Variants in ANKH observed in about 807,000 individuals in gnomAD.
ANKH encodes the protein mineralization regulator ANKH.
In ANKH, 15 loss-of-function variants were observed where a neutral mutation model predicts 49.0. The observed-to-expected ratio is 0.31, with a 90% CI of 0.20 to 0.47. ANKH has a LOEUF of 0.47. ANKH is among the 20% of genes least tolerant of loss of function. The pLI, the probability that ANKH is intolerant of heterozygous loss-of-function variation, is 1.00. For synonymous variants in ANKH, 273 were observed against 260.0 expected, an observed-to-expected ratio of 1.05 and a Z score of -0.48; for missense variants, 429 against 652.0, an observed-to-expected ratio of 0.66 and a Z score of 3.72.
In ANKH at chr5:14,710,137, C is replaced by A. The variant is rs1579993689; in HGVS notation, c.*1060G>T. ...TATCGTATGGTGTGGGAGGGAAGTA[C>A]CGTAGTACATTCTCAATTACCTGTA... On this transcript the variant is annotated 3_prime_UTR_variant, in exon 12 of 12. Transcript: ENST00000284268. The A allele has an allele frequency of 1.3e-5, 2 of 152,268 alleles. No individual in the cohort carries two copies. Among genetic ancestry groups the A allele is most frequent in the South Asian group, 2.1e-4 (1 of 4,826 alleles). The allele number at this position is 152,268 out of a possible 1,614,324, so 9.4% of individuals were successfully genotyped here.
At chr5:14,783,328 AC>A (rs1580064535) in intron 1 of ANKH, among the ~76,000 whole-genome samples, 1 of 143,916 alleles carries the variant, frequency 6.9e-6, no homozygotes, top group Admixed American at 7.0e-5. Context: ...ACACACACAC[AC>A]ACCACACATG....
In ANKH at chr5:14,708,779, C is replaced by CT; in HGVS notation, c.*2417dup. 6.6e-6 allele frequency: 1 copy of CT among 152,316 alleles called. No individual in the cohort carries two copies. The highest frequency in any genetic ancestry group is 1.9e-4 in the East Asian group (1 of 5,192). The allele number at this position is 152,316 out of a possible 1,614,324, so 9.4% of individuals were successfully genotyped here. A position where few individuals can be genotyped will look rare whatever the true frequency, so the allele number is the denominator to read the frequency against. On this transcript the variant is annotated 3_prime_UTR_variant, in exon 12 of 12. Coordinates refer to ENST00000284268, the MANE Select transcript of ANKH (RefSeq NM_054027.6). ...ATTGCTTCCTGTGTTCTCAGAAACT[C>CT]TAACCAAATATTATGGCCCACTGAT...
At chr5:14,733,865 C>T (rs559465223) in intron 8 of ANKH, among the ~76,000 whole-genome samples, 1 of 152,324 alleles carries the variant, frequency 6.6e-6, no homozygotes, top group African/African-American at 2.4e-5. Flanking sequence ...ACGTTGATGG[C>T]GCATGCGTGT....
intron 8 of ANKH, among the ~76,000 whole-genome samples, chr5:14,741,073 G>C (rs945675037): frequency 6.6e-6 from 1 of 152,260 alleles, no homozygotes; most frequent in African/African-American, 2.4e-5. Context: ...CCAACGGAAG[G>C]CTGTTTATAA....
At chr5:14,829,070 G>A (rs902197426) in intron 1 of ANKH, among the ~76,000 whole-genome samples, 4 of 151,552 alleles carry the variant, frequency 2.6e-5, no homozygotes, top group African/African-American at 9.7e-5. Flanking sequence ...TGTAATCCCA[G>A]CTACTCGGGA....
intron 8 of ANKH, among the ~76,000 whole-genome samples, chr5:14,723,169 C>T (rs1382852376): frequency 1.3e-5 from 2 of 152,008 alleles, no homozygotes; most frequent in Non-Finnish European, 2.9e-5. Flanking sequence ...ACAGAAAGAG[C>T]TCACGAGAAA....
chr5:14,833,528 G>C (rs1245185465), intron 1 of ANKH, among the ~76,000 whole-genome samples: 1 of 152,136 alleles, frequency 6.6e-6, no homozygotes, highest in Non-Finnish European at 1.5e-5. Flanking sequence ...CCCCAGTCTG[G>C]GTATATGGTC....
chr5:14,779,165 G>A (rs747550506), intron 1 of ANKH, among the ~76,000 whole-genome samples: 2 of 152,148 alleles, frequency 1.3e-5, no homozygotes, highest in South Asian at 4.1e-4. Flanking sequence ...AAGGAAAGGC[G>A]GGCCTGACCA....
intron 1 of ANKH, among the ~76,000 whole-genome samples, chr5:14,790,112 T>A (rs1176910922): frequency 6.6e-6 from 1 of 152,260 alleles, no homozygotes; most frequent in Non-Finnish European, 1.5e-5. Context: ...TAGAATATGA[T>A]GCTTCTTCAC....
Position 14,713,712 on chromosome 5 carries a change from C to T in ANKH, c.1142-45G>A, listed in dbSNP as rs1269255660. 5 of 1,612,068 alleles carry T rather than the reference C, an allele frequency of 3.1e-6. No homozygotes were observed. Among genetic ancestry groups the T allele is most frequent in the Admixed American group, 3.3e-5 (2 of 60,016 alleles). The stretch of plus-strand genomic sequence containing the variant: ...ACTCGTCAGCCGTGCCCGCCATCCA[C>T]TCCCCATCCTGCTGCCTCTGGACCA... On this transcript the variant is annotated intron_variant, in intron 9 of 11. Transcript: ENST00000284268. This position sits in a 1 kb window ranked among gnomAD's most constrained non-coding sequence, Gnocchi z 4.4.
At chr5:14,866,938 C>T (rs904689243) in intron 1 of ANKH, among the ~76,000 whole-genome samples, 6 of 152,094 alleles carry the variant, frequency 3.9e-5, no homozygotes, top group East Asian at 1.9e-4. Context: ...AGGTGGATCA[C>T]GTGAGCTCAG....
intron 1 of ANKH, among the ~76,000 whole-genome samples, chr5:14,856,401 G>T (rs1735246317): frequency 6.6e-6 from 1 of 151,976 alleles, no homozygotes; most frequent in Non-Finnish European, 1.5e-5. Context: ...CCAAAAGAAG[G>T]CATATCAATC....
At chr5:14,720,825 T>C (rs1737636181) in intron 8 of ANKH, among the ~76,000 whole-genome samples, 1 of 152,224 alleles carries the variant, frequency 6.6e-6, no homozygotes, top group African/African-American at 2.4e-5. Context: ...GTTGCAATTC[T>C]CTAGGCTTTG....
At chr5:14,742,702 G>C (rs150702544) in intron 7 of ANKH, among the ~76,000 whole-genome samples, 1 of 152,336 alleles carries the variant, frequency 6.6e-6, no homozygotes, top group Admixed American at 6.5e-5. Context: ...CGCCCTGCGT[G>C]TCTCCCCTTG....
chr5:14,742,074 G>C, intron 7 of ANKH, 152 bp from the exon 8 acceptor site: 1 of 684,104 alleles, frequency 1.5e-6, no homozygotes. Flanking sequence ...GTCATGTTGA[G>C]TGTCTCTCGG....
rs371012506 is a variant in ANKH, at chr5:14,871,477, A to C, written c.-30T>G. 3 of 1,570,742 alleles carry C rather than the reference A, an allele frequency of 1.9e-6. No homozygotes were observed. Among genetic ancestry groups the C allele is most frequent in the Non-Finnish European group, 2.6e-6 (3 of 1,146,448 alleles). The stretch of plus-strand genomic sequence containing the variant: ...CCCGCCGTGGGCTGACCCCACACAC[A>C]TCTGCTGCCGCGAGGGGACTCTGCG... On this transcript the variant is annotated 5_prime_UTR_variant, in exon 1 of 12. The change abolishes an upstream ATG in the 5' untranslated region. Coordinates refer to ENST00000284268, the MANE Select transcript of ANKH (RefSeq NM_054027.6).
intron 1 of ANKH, among the ~76,000 whole-genome samples, chr5:14,837,577 C>T (rs1741691445): frequency 6.6e-6 from 1 of 152,268 alleles, no homozygotes; most frequent in East Asian, 1.9e-4. Flanking sequence ...CAATGAGATA[C>T]CATCTCACAC....
intron 1 of ANKH, chr5:14,798,199 G>A (rs1177992694): frequency 1.3e-6 from 2 of 1,588,704 alleles, no homozygotes; most frequent in Non-Finnish European, 1.7e-6. Context: ...TGTGTCCCCA[G>A]GACAAGTCGA....
chr5:14,870,797 GA>G (rs1188199106), intron 1 of ANKH: 2 of 151,062 alleles, frequency 1.3e-5, no homozygotes, highest in Non-Finnish European at 2.9e-5. Flanking sequence ...GAAAAAAAAA[GA>G]AAAGGAAAAG....
Sources: allele counts gnomAD v4.1 joint callset (sites outside exome capture counted in the v4.1 genomes callset), GRCh38; gene constraint gnomAD v4.1.1; non-coding constraint Gnocchi (gnomAD v3.1); transcripts MANE v1.5; gene names NCBI Gene and HGNC (gene_info 2026-07-23, HGNC 2026-07-21).